Variants in RUFY4 observed in about 807,000 individuals in gnomAD.
The protein encoded by RUFY4 is RUN and FYVE domain-containing protein 4.
RUFY4 carries 73 observed loss-of-function variants against 69.0 expected under a neutral mutation model. That is an observed-to-expected ratio of 1.06 (90% confidence interval 0.88 to 1.29). The LOEUF is 1.29. Among genes scored for constraint, RUFY4 ranks in the 50% most tolerant of loss-of-function variants. The pLI is 0.00. For synonymous variants in RUFY4, 287 were observed against 271.8 expected (o/e 1.06, Z -0.55); for missense variants, 770 against 705.6 (o/e 1.09, Z -1.03).
intron 9 of RUFY4, among the ~76,000 whole-genome samples, chr2:218,086,304 T>G (rs1320179999): frequency 6.6e-6 from 1 of 152,152 alleles, no homozygotes; most frequent in Non-Finnish European, 1.5e-5. Flanking sequence ...TGTGAGAGAA[T>G]TCCCCAGCTC....
intron 8 of RUFY4, among the ~76,000 whole-genome samples, chr2:218,080,039 A>T (rs1689724326): frequency 6.6e-6 from 1 of 152,234 alleles, no homozygotes; most frequent in Non-Finnish European, 1.5e-5. Context: ...GAAAGACTGG[A>T]CCATGCAAAT....
At chr2:218,047,335 T>C (rs1574494081) in intron 2 of RUFY4, among the ~76,000 whole-genome samples, 1 of 152,268 alleles carries the variant, frequency 6.6e-6, no homozygotes, top group Admixed American at 6.5e-5. Context: ...ATCTATCTAA[T>C]GTTTGTACTA....
At chr2:218,070,894 C>T in intron 2 of RUFY4, 35 bp downstream of exon 4, 1 of 1,462,398 alleles carries the variant, frequency 6.8e-7, no homozygotes, top group Non-Finnish European at 9.2e-7. Context: ...CATCCCTCTC[C>T]CCAGACCCAG....
chr2:218,050,413 C>A lies in RUFY4; in HGVS notation c.-1157-8182C>A, dbSNP rs544102000. 3.0e-4 allele frequency among the ~76,000 whole-genome samples: 46 copies of A among 152,216 alleles called. 1 individual carries two copies. In the South Asian group the frequency reaches 9.3e-3, roughly 31 times the overall value. ...GCTACAGATTACAGGGGTGAAAGAGCTGTAACCCTCCCTTCCACTTGCCGA... is the reference window on the plus strand; with the variant it reads ...GCTACAGATTACAGGGGTGAAAGAGATGTAACCCTCCCTTCCACTTGCCGA... On this transcript the variant is annotated intron_variant and NMD_transcript_variant, in intron 2 of 13. Coordinates refer to the RUFY4 transcript ENST00000457754.
chr2:218,045,427 T>C (rs1688804419), intron 2 of RUFY4, among the ~76,000 whole-genome samples: 1 of 152,288 alleles, frequency 6.6e-6, no homozygotes, highest in East Asian at 1.9e-4. Flanking sequence ...AAAAGATAAA[T>C]GTTCCCTTTC....
chr2:218,044,805 T>G (rs1574492862), intron 2 of RUFY4, among the ~76,000 whole-genome samples: 1 of 152,242 alleles, frequency 6.6e-6, no homozygotes, highest in Non-Finnish European at 1.5e-5. Context: ...TATTCCATGG[T>G]GTATATGTAC....
chr2:218,040,820 C>T lies in RUFY4; in HGVS notation c.-1158+5426C>T, dbSNP rs550311879. 2.1e-4 allele frequency among the ~76,000 whole-genome samples: 32 copies of T among 152,122 alleles called. 1 individual carries two copies. The South Asian group carries it at 4.6e-3, about 22-fold the overall frequency. ...GGTCTGGCAGCAAATAAAAGGTGGA[C>T]GACTCTGTCCCTCGATTTGCAGATG... On this transcript the variant is annotated intron_variant and NMD_transcript_variant, in intron 2 of 13. Coordinates refer to the RUFY4 transcript ENST00000457754.
intron 2 of RUFY4, among the ~76,000 whole-genome samples, chr2:218,056,100 A>T (rs1162111996): frequency 2.0e-5 from 3 of 152,002 alleles, no homozygotes; most frequent in Non-Finnish European, 4.4e-5. Flanking sequence ...AATTCAGCTC[A>T]CTCACGGAAT....
intron 8 of RUFY4, among the ~76,000 whole-genome samples, chr2:218,078,418 G>T (rs180722302): frequency 6.6e-6 from 1 of 152,130 alleles, no homozygotes; most frequent in African/African-American, 2.4e-5. Context: ...GGACGGGCAG[G>T]GCAGGTTCTA....
intron 2 of RUFY4, among the ~76,000 whole-genome samples, chr2:218,054,951 T>A (rs1689027933): frequency 6.6e-6 from 1 of 152,216 alleles, no homozygotes; most frequent in South Asian, 2.1e-4. Flanking sequence ...AAATTCTGTT[T>A]CTTTATAGGA....
At chr2:218,036,561 G>C (rs528359096) in intron 2 of RUFY4, among the ~76,000 whole-genome samples, 4 of 152,332 alleles carry the variant, frequency 2.6e-5, no homozygotes, top group Non-Finnish European at 5.9e-5. Flanking sequence ...TGGCCTAACG[G>C]ATCTCTTAGA....
upstream of RUFY4, chr2:218,070,415 CACTGGCCT>C (rs1689457495): frequency 1.6e-6 from 1 of 636,672 alleles, no homozygotes; most frequent in African/African-American, 1.8e-5. Context: ...CATCTTCACA[CACTGGCCT>C]ACAAGATAGA....
At chr2:218,042,880 AT>A (rs1287970167) in intron 2 of RUFY4, among the ~76,000 whole-genome samples, 1 of 152,172 alleles carries the variant, frequency 6.6e-6, no homozygotes, top group African/African-American at 2.4e-5. Flanking sequence ...TACAATCTTT[AT>A]TATAGTCACT....
chr2:218,058,172 T>C (rs879754556), intron 2 of RUFY4, among the ~76,000 whole-genome samples: 3 of 152,238 alleles, frequency 2.0e-5, no homozygotes, highest in African/African-American at 7.2e-5. Context: ...AATTACAAGA[T>C]GCAAAAGCCT....
rs149661845 is a variant in RUFY4 at position 218,053,787 on chromosome 2, C to A, written c.-1157-4808C>A. On this transcript the variant is annotated intron_variant and NMD_transcript_variant, in intron 2 of 13. Coordinates refer to the RUFY4 transcript ENST00000457754. Reference sequence around the variant, plus strand: ...TGCTGGGATTACAGGCGTGAGCCACCGCGCCCAGCCGCACCCGGCTAATTT... The same window carrying A: ...TGCTGGGATTACAGGCGTGAGCCACAGCGCCCAGCCGCACCCGGCTAATTT... 6.9e-3 allele frequency among the ~76,000 whole-genome samples: 1,049 copies of A among 152,296 alleles called. 10 individuals carry two copies. The highest frequency in any genetic ancestry group is 0.024 in the African/African-American group (993 of 41,548).
chr2:218,089,315 G>C (rs1689973854), exon 10 of RUFY4: 7 of 1,613,776 alleles, frequency 4.3e-6, no homozygotes, highest in Non-Finnish European at 5.9e-6. Context: ...AGTGCTGTGT[G>C]GCCTGTAGCA....
At chr2:218,041,201 T>C (rs2106026098) in intron 2 of RUFY4, among the ~76,000 whole-genome samples, 1 of 152,294 alleles carries the variant, frequency 6.6e-6, no homozygotes, top group African/African-American at 2.4e-5. Context: ...GACCTCTTTC[T>C]TGGAGCTCCT....
chr2:218,052,745 T>A (rs115535573), intron 2 of RUFY4, among the ~76,000 whole-genome samples: 19,507 of 144,692 alleles, frequency 0.13, 1,429 homozygotes, highest in East Asian at 0.26. Context: ...TTTTTTTTTT[T>A]AAAAAAAAAA....
chr2:218,066,269 C>G (rs1689328686), upstream of RUFY4, among the ~76,000 whole-genome samples: 2 of 150,692 alleles, frequency 1.3e-5, no homozygotes, highest in African/African-American at 4.9e-5. Context: ...CTGCAACCTC[C>G]ACCTCCCAGG....
Sources: gnomAD v4.1 joint callset for allele counts (sites outside exome capture counted in the v4.1 genomes callset) on GRCh38, gnomAD v4.1.1 for gene constraint, MANE v1.5 for transcripts, NCBI Gene and HGNC (gene_info 2026-07-23, HGNC 2026-07-21) for gene names.